DPH6: variants seen among roughly 807,000 people sequenced by gnomAD.
DPH6 encodes diphthamine biosynthesis 6.
A neutral mutation model predicts 38.2 loss-of-function variants in DPH6; 33 were observed. The ratio of observed to expected loss-of-function variants is 0.86; its 90% CI spans 0.65 to 1.15. The LOEUF is 1.15. Ranked by LOEUF, DPH6 falls within the 50% of genes most tolerant of loss-of-function variation. DPH6 has a pLI of 0.00. For synonymous variants in DPH6, 108 were observed against 103.0 expected (o/e 1.05, Z -0.30); for missense variants, 325 against 320.0 (o/e 1.02, Z -0.12).
At chr15:35,285,037 T>C (rs527802318) in intron 3 of DPH6, among the ~76,000 whole-genome samples, 39 of 152,174 alleles carry the variant, frequency 2.6e-4, no homozygotes, top group Non-Finnish European at 5.0e-4. Flanking sequence ...CTCCAACTTC[T>C]GGGCTCAAGT....
At chr15:35,262,622 C>T (rs2051755118) in intron 3 of DPH6, among the ~76,000 whole-genome samples, 2 of 137,834 alleles carry the variant, frequency 1.5e-5, no homozygotes, top group South Asian at 2.4e-4. Context: ...AGGAGAATGG[C>T]GTGAACCCGG....
intron 3 of DPH6, among the ~76,000 whole-genome samples, chr15:35,464,114 TA>T (rs2054098350): frequency 6.6e-6 from 1 of 152,060 alleles, no homozygotes; most frequent in East Asian, 1.9e-4. Flanking sequence ...GCCAACATAG[TA>T]AAACCCTGTC....
In DPH6 at chr15:35,243,223, A is replaced by G. The variant is rs1327188585; in HGVS notation, n.201-22641T>C. The stretch of plus-strand genomic sequence containing the variant: ...CCCCACAATATCACCCCTTACCACA[A>G]GATCTCCCTTCAGCTTAATCTCTCC... On this transcript the variant is annotated intron_variant and non_coding_transcript_variant, in intron 3 of 3. Coordinates refer to the DPH6 transcript ENST00000560386. Among the ~76,000 whole-genome samples the G allele has an allele frequency of 3.5e-5, 5 of 142,068 alleles. 1 individual carries two copies. Among genetic ancestry groups the G allele is most frequent in the South Asian group, 2.5e-4 (1 of 4,034 alleles). 93.2% of individuals were successfully genotyped at this position (142,068 alleles called of 152,430 possible).
At chr15:35,401,590 G>C (rs749779719) in intron 6 of DPH6, 24 of 767,216 alleles carry the variant, frequency 3.1e-5, no homozygotes, top group Non-Finnish European at 4.8e-5. Flanking sequence ...AAGCTACAAT[G>C]ATTTTGGCAA....
intron 3 of DPH6, among the ~76,000 whole-genome samples, chr15:35,474,666 G>A (rs866829423): frequency 6.6e-6 from 1 of 152,074 alleles, no homozygotes; most frequent in Non-Finnish European, 1.5e-5. Context: ...CTACGTAAAT[G>A]TAAAAAATTA....
intron 3 of DPH6, among the ~76,000 whole-genome samples, chr15:35,306,491 T>C (rs1477283865): frequency 6.6e-6 from 1 of 152,190 alleles, no homozygotes; most frequent in East Asian, 1.9e-4. Context: ...TCTGTTAGGC[T>C]ATCAGGCTTG....
downstream of DPH6, among the ~76,000 whole-genome samples, chr15:35,368,008 T>C (rs2052675510): frequency 6.6e-6 from 1 of 151,914 alleles, no homozygotes; most frequent in Non-Finnish European, 1.5e-5. Flanking sequence ...TGTTACAGAA[T>C]TTATGAAGAT....
At chr15:35,445,974 C>T (rs1566912530) in intron 5 of DPH6, among the ~76,000 whole-genome samples, 1 of 152,064 alleles carries the variant, frequency 6.6e-6, no homozygotes, top group African/African-American at 2.4e-5. Context: ...TTGTGTTTAG[C>T]GTAAATACTG....
At chr15:35,489,877 T>C in intron 3 of DPH6, 2 of 966,926 alleles carry the variant, frequency 2.1e-6, no homozygotes, top group South Asian at 4.8e-5. Flanking sequence ...CATTTTTTAA[T>C]GTTTTATACA....
At chr15:35,316,909 T>C (rs2052194291) in intron 3 of DPH6, among the ~76,000 whole-genome samples, 1 of 152,120 alleles carries the variant, frequency 6.6e-6, no homozygotes, top group South Asian at 2.1e-4. Flanking sequence ...ACAATGGAAA[T>C]ATATCTTCAA....
chr15:35,224,943 G>A (rs1399630411), intron 3 of DPH6, among the ~76,000 whole-genome samples: 3 of 152,174 alleles, frequency 2.0e-5, no homozygotes, highest in Admixed American at 6.5e-5. Flanking sequence ...AGATACCAAC[G>A]TTGATACACT....
intron 7 of DPH6, 89 bp downstream of exon 7, chr15:35,381,733 C>T: frequency 1.0e-6 from 1 of 985,086 alleles, no homozygotes; most frequent in South Asian, 1.4e-5. Flanking sequence ...TCTATTTTTC[C>T]CAACAAAAGT....
chr15:35,148,404 A>T, the DPH6 span, among the ~76,000 whole-genome samples: 1 of 152,160 alleles, frequency 6.6e-6, no homozygotes, highest in African/African-American at 2.4e-5. Context: ...TTACATATAG[A>T]CTGAATATAG....
At chr15:35,518,473 T>A (rs1384091717) in intron 3 of DPH6, among the ~76,000 whole-genome samples, 1 of 151,938 alleles carries the variant, frequency 6.6e-6, no homozygotes, top group Non-Finnish European at 1.5e-5. Context: ...AGGGGAAAAA[T>A]TTTAAACTCC....
chr15:35,180,141 T>G, the DPH6 span, among the ~76,000 whole-genome samples: 2 of 152,080 alleles, frequency 1.3e-5, no homozygotes, highest in African/African-American at 4.8e-5. Flanking sequence ...TTTCTCTGTT[T>G]GTACTGTAAT....
At chr15:35,517,256 C>A (rs2054859961) in intron 3 of DPH6, among the ~76,000 whole-genome samples, 1 of 151,996 alleles carries the variant, frequency 6.6e-6, no homozygotes, top group South Asian at 2.1e-4. Flanking sequence ...GCTTCCTGAA[C>A]AGTCTGCAGT....
At chr15:35,200,515 T>C in the DPH6 span, among the ~76,000 whole-genome samples, 4 of 152,140 alleles carry the variant, frequency 2.6e-5, no homozygotes, top group African/African-American at 9.7e-5. Context: ...TAGTTTTATA[T>C]TAATTAATTA....
intron 7 of DPH6, among the ~76,000 whole-genome samples, chr15:35,376,197 T>C (rs941580018): frequency 1.3e-5 from 2 of 152,166 alleles, no homozygotes; most frequent in Admixed American, 6.6e-5. Context: ...CCTGTCCCTG[T>C]TCTACCCCAC....
At chr15:35,298,759 G>T in intron 3 of DPH6, 3 of 1,462,316 alleles carry the variant, frequency 2.1e-6, no homozygotes, top group Non-Finnish European at 9.6e-7. Context: ...CCAAGTTAGC[G>T]AGGAAGGAGT....
Sources: gnomAD v4.1 joint callset for allele counts (sites outside exome capture counted in the v4.1 genomes callset) on GRCh38, gnomAD v4.1.1 for gene constraint, MANE v1.5 for transcripts, NCBI Gene and HGNC (gene_info 2026-07-23, HGNC 2026-07-21) for gene names.